ESCO2: variants seen among roughly 807,000 people sequenced by gnomAD.
ESCO2 encodes N-acetyltransferase ESCO2.
In ESCO2, 51 loss-of-function variants were observed where a neutral mutation model predicts 61.7. That is an observed-to-expected ratio of 0.83 (90% CI 0.66 to 1.04). ESCO2 has a LOEUF of 1.04. Ranked by LOEUF, ESCO2 falls within the 50% of genes least tolerant of loss-of-function variation. The pLI is 0.00. For synonymous variants in ESCO2, 230 were observed against 238.2 expected, an observed-to-expected ratio of 0.97 and a Z score of 0.32; for missense variants, 692 against 686.2, an observed-to-expected ratio of 1.01 and a Z score of -0.09.
rs1805524346 is a variant in ESCO2 at position 27,804,732 on chromosome 8, C to G, written c.*1294C>G. On this transcript the variant is annotated 3_prime_UTR_variant, in exon 11 of 11. Transcript: ENST00000305188. ...TTAACATGTTTCCAAAATTTAAAAG[C>G]CTGGGTCCCCAAAAGAATGTGGAAG... 1 of 984,772 alleles carries G rather than the reference C, an allele frequency of 1.0e-6. No homozygotes were observed. The highest frequency in any genetic ancestry group is 1.2e-6 in the Non-Finnish European group (1 of 829,408). 61.0% of individuals were successfully genotyped at this position (984,772 alleles called of 1,614,324 possible). A position where few individuals can be genotyped will look rare whatever the true frequency, so the allele number is the denominator to read the frequency against.
At chr8:27,795,829 G>C (rs1195878075) in intron 9 of ESCO2, among the ~76,000 whole-genome samples, 1 of 152,264 alleles carries the variant, frequency 6.6e-6, no homozygotes, top group East Asian at 1.9e-4. Context: ...CTTGCATCCA[G>C]GGATAAAGTC....
intron 10 of ESCO2, among the ~76,000 whole-genome samples, chr8:27,801,416 G>A (rs1805422748): frequency 1.3e-5 from 2 of 152,100 alleles, no homozygotes; most frequent in African/African-American, 2.4e-5. Context: ...TATGGGGACC[G>A]GATCTTGGGC....
chr8:27,791,476 A>G (rs1805173800), intron 7 of ESCO2, among the ~76,000 whole-genome samples: 2 of 152,222 alleles, frequency 1.3e-5, no homozygotes, highest in South Asian at 4.1e-4. Flanking sequence ...GACTAGGGCC[A>G]CATGCCAAAG....
At chr8:27,798,298 A>T (rs991076625) in intron 9 of ESCO2, among the ~76,000 whole-genome samples, 2 of 152,090 alleles carry the variant, frequency 1.3e-5, no homozygotes, top group Non-Finnish European at 2.9e-5. Context: ...CGCCTCTACT[A>T]AAAATACAAA....
downstream of ESCO2, among the ~76,000 whole-genome samples, chr8:27,806,814 C>T (rs1388181635): frequency 6.6e-6 from 1 of 152,060 alleles, no homozygotes; most frequent in African/African-American, 2.4e-5. Flanking sequence ...CGGGGTTTTA[C>T]CATGTTGGCC....
At chr8:27,786,502 CATG>C (rs1226826898) in intron 5 of ESCO2, among the ~76,000 whole-genome samples, 11 of 152,212 alleles carry the variant, frequency 7.2e-5, no homozygotes, top group African/African-American at 2.7e-4. Flanking sequence ...AACCTGCATT[CATG>C]ATAACAGTTT....
chr8:27,803,048 A>G (rs1805484798), intron 10 of ESCO2, among the ~76,000 whole-genome samples: 1 of 152,054 alleles, frequency 6.6e-6, no homozygotes, highest in Non-Finnish European at 1.5e-5. Flanking sequence ...ATATGATCTT[A>G]TATTAGTTGC....
rs1362710456 is a variant in ESCO2, at chr8:27,784,045, T to C, written c.1001T>C (p.Val334Ala). 1.2e-6 allele frequency: 2 copies of C among 1,613,452 alleles called. No homozygotes were observed. Among genetic ancestry groups the C allele is most frequent in the African/African-American group, 1.3e-5 (1 of 74,920 alleles). The change falls in exon 5 of 11, where the codon GTC becomes GCC. Residue 334 changes from valine to alanine, a missense_variant. Val to Ala is a moderately conservative substitution (Grantham distance 64, BLOSUM62 0). Coordinates refer to ENST00000305188, the MANE Select transcript of ESCO2 (RefSeq NM_001017420.3). ...TATCCAATCTTCAGTGCATCTTCAG[T>C]CAATTCAAAAAGGTGAGAATTGTTA... ...TVYPIFSASS[V>A]NSKRSLGEEQ...
rs1467829913 is a variant in ESCO2 at position 27,787,819 on chromosome 8, C to T, written c.1014-66C>T. 5 of 1,242,396 alleles carry T rather than the reference C, an allele frequency of 4.0e-6. No individual in the cohort carries two copies. The Admixed American group carries it at 5.1e-5, about 13-fold the overall frequency. The allele number at this position is 1,242,396 out of a possible 1,614,324, so 77.0% of individuals were successfully genotyped here. A position where few individuals can be genotyped will look rare whatever the true frequency, so the allele number is the denominator to read the frequency against. On this transcript the variant is annotated intron_variant, in intron 5 of 10. Coordinates refer to ENST00000305188, the MANE Select transcript of ESCO2 (RefSeq NM_001017420.3). The stretch of plus-strand genomic sequence containing the variant: ...AATTGCAAGGTACTCTGATAAATGG[C>T]TGCTTTCTTTCCCTTGTAATTCCTC...
chr8:27,808,309 C>A, downstream of ESCO2: 1 of 795,176 alleles, frequency 1.3e-6, no homozygotes, highest in Non-Finnish European at 1.7e-6. Context: ...GAGGCTTCTA[C>A]AGATTCTAAA....
At position 27,792,562 on chromosome 8, in the gene ESCO2, A is replaced by T. The variant is rs1228513027; in HGVS notation, c.1354-106A>T. 4.2e-6 allele frequency: 5 copies of T among 1,188,408 alleles called. No individual in the cohort carries two copies. The African/African-American group carries it at 6.3e-5, about 15-fold the overall frequency. The allele number at this position is 1,188,408 out of a possible 1,614,324, so 73.6% of individuals were successfully genotyped here. A position where few individuals can be genotyped will look rare whatever the true frequency, so the allele number is the denominator to read the frequency against. ...TGTATAAATTTAAGAAATAGAAATT[A>T]AAGAGGCTAAAGTAACAGTAATCAT... On this transcript the variant is annotated intron_variant, in intron 8 of 10. Transcript: ENST00000305188.
At chr8:27,787,472 A>G (rs553250645) in intron 5 of ESCO2, among the ~76,000 whole-genome samples, 5 of 152,154 alleles carry the variant, frequency 3.3e-5, no homozygotes, top group African/African-American at 9.7e-5. Context: ...GAAGTTCAGT[A>G]TTATACTTAT....
intron 9 of ESCO2, among the ~76,000 whole-genome samples, chr8:27,797,215 T>G (rs550351017): frequency 6.6e-6 from 1 of 152,344 alleles, no homozygotes; most frequent in East Asian, 1.9e-4. Context: ...TGTATTCCTA[T>G]CTATTTCTCC....
At chr8:27,788,239 T>G (rs1347867689) in intron 6 of ESCO2, among the ~76,000 whole-genome samples, 3 of 147,450 alleles carry the variant, frequency 2.0e-5, no homozygotes, top group African/African-American at 5.1e-5. Context: ...TTAAAATAAT[T>G]TAATATTCTT....
chr8:27,796,511 T>G (rs1317154718), intron 9 of ESCO2, among the ~76,000 whole-genome samples: 1 of 152,176 alleles, frequency 6.6e-6, no homozygotes, highest in Non-Finnish European at 1.5e-5. Flanking sequence ...CTACTTGAGA[T>G]CTTTCTTCTT....
chr8:27,786,860 GT>G (rs11305883), intron 5 of ESCO2, among the ~76,000 whole-genome samples: 33,439 of 121,976 alleles, frequency 0.27, 4,776 homozygotes, highest in Middle Eastern at 0.36. Context: ...TGGTACTAGG[GT>G]TTTTTTTTTT....
upstream of ESCO2, chr8:27,772,362 C>T: frequency 2.8e-6 from 2 of 723,458 alleles, no homozygotes; most frequent in Non-Finnish European, 4.8e-6. Context: ...GTGGGAGGGA[C>T]GGATGTGCTG....
intron 10 of ESCO2, 122 bp downstream of exon 10, chr8:27,799,838 C>T: frequency 1.7e-6 from 2 of 1,197,558 alleles, no homozygotes; most frequent in Non-Finnish European, 2.4e-6. Context: ...CTATTAAAGT[C>T]AGGCTAAGGA....
chr8:27,814,957 TA>T (rs1033611104), downstream of ESCO2, among the ~76,000 whole-genome samples: 7 of 152,324 alleles, frequency 4.6e-5, no homozygotes, highest in Non-Finnish European at 8.8e-5. Context: ...TAGGCAGTGT[TA>T]GAGTGTATTA....
Sources: gnomAD v4.1 joint callset for allele counts (sites outside exome capture counted in the v4.1 genomes callset) on GRCh38, gnomAD v4.1.1 for gene constraint, MANE v1.5 for transcripts, NCBI Gene and HGNC (gene_info 2026-07-23, HGNC 2026-07-21) for gene names.